FNBP1L: variants seen among roughly 807,000 people sequenced by gnomAD.
FNBP1L encodes the protein formin-binding protein 1-like.
A neutral mutation model predicts 91.2 loss-of-function variants in FNBP1L; 36 were observed. The ratio of observed to expected loss-of-function variants is 0.39; its 90% confidence interval spans 0.30 to 0.52. The LOEUF is 0.52. Among genes scored for constraint, FNBP1L ranks in the 20% least tolerant of loss-of-function variants. The pLI, the probability that FNBP1L is intolerant of heterozygous loss-of-function variation, is 0.66. For synonymous variants in FNBP1L, 242 were observed against 237.0 expected, an observed-to-expected ratio of 1.02 and a Z score of -0.19; for missense variants, 571 against 732.1, an observed-to-expected ratio of 0.78 and a Z score of 2.54.
At chr1:93,541,141 A>C in intron 11 of FNBP1L, 85 bp downstream of exon 11, 1 of 1,283,716 alleles carries the variant, frequency 7.8e-7, no homozygotes, top group Non-Finnish European at 1.1e-6. Flanking sequence ...ACAAGTGGTA[A>C]ATTACATCCC....
chr1:93,524,953 C>T (rs560931487), intron 5 of FNBP1L, among the ~76,000 whole-genome samples: 1 of 151,868 alleles, frequency 6.6e-6, no homozygotes, highest in Non-Finnish European at 1.5e-5. Context: ...GGCACTTGCT[C>T]ATGTGGTTTT....
At chr1:93,453,713 A>G (rs1668568187) in intron 1 of FNBP1L, among the ~76,000 whole-genome samples, 1 of 152,222 alleles carries the variant, frequency 6.6e-6, no homozygotes, top group South Asian at 2.1e-4. Context: ...AAGGTTATGT[A>G]AAGGTTTTGT....
At chr1:93,487,705 T>C (rs889875664) in intron 1 of FNBP1L, among the ~76,000 whole-genome samples, 6 of 152,208 alleles carry the variant, frequency 3.9e-5, no homozygotes, top group African/African-American at 1.4e-4. Context: ...ACTGTAGTGA[T>C]CTTCATTTGT....
chr1:93,516,763 G>T, intron 2 of FNBP1L, among the ~76,000 whole-genome samples: 1 of 152,002 alleles, frequency 6.6e-6, no homozygotes, highest in East Asian at 1.9e-4. Context: ...TCTATGAAAT[G>T]CTTTTTGCTT....
At chr1:93,463,761 G>T (rs1668977627) in intron 1 of FNBP1L, among the ~76,000 whole-genome samples, 1 of 152,130 alleles carries the variant, frequency 6.6e-6, no homozygotes, top group Admixed American at 6.5e-5. Flanking sequence ...TTTGCATTTG[G>T]TTTTAGGCTC....
At chr1:93,461,139 A>G (rs1668846968) in intron 1 of FNBP1L, among the ~76,000 whole-genome samples, 1 of 152,146 alleles carries the variant, frequency 6.6e-6, no homozygotes, top group Non-Finnish European at 1.5e-5. Flanking sequence ...GAGCTCTGAT[A>G]TGCTCTGCCT....
At chr1:93,475,724 AC>A (rs1446182552) in intron 1 of FNBP1L, among the ~76,000 whole-genome samples, 1 of 152,218 alleles carries the variant, frequency 6.6e-6, no homozygotes, top group Non-Finnish European at 1.5e-5. Context: ...AAGGATAAAA[AC>A]TGCTATTCAT....
chr1:93,530,722 T>G, intron 6 of FNBP1L, 33 bp from the exon 7 acceptor site: 1 of 1,584,210 alleles, frequency 6.3e-7, no homozygotes, highest in East Asian at 2.3e-5. Context: ...GTGATTTTGT[T>G]GTTGATAATA....
At chr1:93,510,888 G>A (rs997624568) in intron 2 of FNBP1L, among the ~76,000 whole-genome samples, 6 of 152,106 alleles carry the variant, frequency 3.9e-5, no homozygotes, top group Non-Finnish European at 8.8e-5. Context: ...AACGAAGCGA[G>A]AAGGGAAGTT....
Position 93,448,313 on chromosome 1 carries a change from G to A in FNBP1L, c.24+8G>A, listed in dbSNP as rs1002517476. ...TGGGGCACGGAGCTGTGGGTGAGTC[G>A]GGGAGAGGGGCGCCCCGCACGGACC... On this transcript the variant is annotated splice_region_variant and intron_variant, in intron 1 of 16. Transcript: ENST00000271234. 8.6e-6 allele frequency: 13 copies of A among 1,508,400 alleles called. No homozygotes were observed. The highest frequency in any genetic ancestry group is 2.0e-4 in the Middle Eastern group (1 of 4,954). The allele number at this position is 1,508,400 out of a possible 1,614,324, so 93.4% of individuals were successfully genotyped here. A position where few individuals can be genotyped will look rare whatever the true frequency, so the allele number is the denominator to read the frequency against.
At chr1:93,513,965 A>T (rs1557802707) in intron 2 of FNBP1L, among the ~76,000 whole-genome samples, 1 of 152,140 alleles carries the variant, frequency 6.6e-6, no homozygotes, top group Non-Finnish European at 1.5e-5. Context: ...AATTAGGAAA[A>T]GAGGAAGTCA....
chr1:93,489,576 AG>A (rs1184345853), intron 1 of FNBP1L, among the ~76,000 whole-genome samples: 7 of 152,110 alleles, frequency 4.6e-5, no homozygotes. Context: ...AAATTGCAGT[AG>A]GGTATTGGAA....
intron 1 of FNBP1L, among the ~76,000 whole-genome samples, chr1:93,456,736 C>T (rs1431054854): frequency 6.6e-6 from 1 of 151,222 alleles, no homozygotes; most frequent in Admixed American, 6.6e-5. Context: ...CTGGTATCTG[C>T]CTCTGCACTT....
At chr1:93,489,345 CA>C (rs895892931) in intron 1 of FNBP1L, among the ~76,000 whole-genome samples, 1 of 151,280 alleles carries the variant, frequency 6.6e-6, no homozygotes, top group Non-Finnish European at 1.5e-5. Flanking sequence ...TCTGTGGGGC[CA>C]AAAAATTGTT....
At chr1:93,479,868 A>G (rs900841123) in intron 1 of FNBP1L, among the ~76,000 whole-genome samples, 4 of 152,182 alleles carry the variant, frequency 2.6e-5, no homozygotes, top group Non-Finnish European at 5.9e-5. Flanking sequence ...AGTTTGTACA[A>G]TAGTGGTCCT....
At chr1:93,536,093 G>A (rs1325928860) in intron 9 of FNBP1L, among the ~76,000 whole-genome samples, 2 of 151,942 alleles carry the variant, frequency 1.3e-5, no homozygotes, top group Non-Finnish European at 2.9e-5. Context: ...TGAACTCTGT[G>A]TTTTTAATTT....
At chr1:93,486,831 C>G (rs72721019) in intron 1 of FNBP1L, among the ~76,000 whole-genome samples, 1 of 152,186 alleles carries the variant, frequency 6.6e-6, no homozygotes, top group African/African-American at 2.4e-5. Context: ...GCAATGAACA[C>G]TGCTTCTACA....
intron 2 of FNBP1L, among the ~76,000 whole-genome samples, chr1:93,506,915 A>G (rs189522746): frequency 6.6e-6 from 1 of 152,158 alleles, no homozygotes; most frequent in African/African-American, 2.4e-5. Context: ...TTAATATCAC[A>G]TATATAACTA....
rs118040292 is a variant in FNBP1L, at chr1:93,471,261, C to T, written c.24+22956C>T. On this transcript the variant is annotated intron_variant, in intron 1 of 16. Coordinates refer to ENST00000271234, the MANE Select transcript of FNBP1L (RefSeq NM_001164473.3). The stretch of plus-strand genomic sequence containing the variant: ...TGAGCATCATGCTGTCACTCAAAAA[C>T]TTTTGGATTTTGGAATGTTTCAGAT... Among the ~76,000 whole-genome samples, 63 of 152,238 alleles carry T rather than the reference C, an allele frequency of 4.1e-4. No individual in the cohort carries two copies. The East Asian group carries it at 0.012, about 28-fold the overall frequency.
Sources: allele counts gnomAD v4.1 joint callset (sites outside exome capture counted in the v4.1 genomes callset), GRCh38; gene constraint gnomAD v4.1.1; transcripts MANE v1.5; gene names NCBI Gene and HGNC (gene_info 2026-07-23, HGNC 2026-07-21).